Variants in COL6A3 observed in about 807,000 individuals in gnomAD.
The protein encoded by COL6A3 is collagen alpha-3(VI) chain.
A neutral mutation model predicts 274.1 loss-of-function variants in COL6A3; 137 were observed. The observed-to-expected ratio is 0.50, with a 90% confidence interval of 0.44 to 0.58. COL6A3 has a LOEUF of 0.58. Among genes scored for constraint, COL6A3 ranks in the 20% least tolerant of loss-of-function variants. COL6A3 has a pLI of 0.00. For missense variants in COL6A3, 3,950 were observed against 4,124.9 expected (o/e 0.96, Z 1.16); for synonymous variants, 1,650 against 1,650.6 (o/e 1.00, Z 0.01).
Position 237,368,080 on chromosome 2 carries a change from T to G in COL6A3, c.4900+483A>C, listed in dbSNP as rs1037617864. On this transcript the variant is annotated intron_variant, in intron 10 of 43. Transcript: ENST00000295550. The surrounding 1 kb of genome is among the most constrained non-coding windows in gnomAD (Gnocchi z 4.4). ...GGCTGGTGGAGAGATCCACTTTGCT[T>G]TTGCAGCCCCAAAGACGAGAACCAG... 2.0e-5 allele frequency among the ~76,000 whole-genome samples: 3 copies of G among 152,138 alleles called. No individual in the cohort carries two copies. Among genetic ancestry groups the G allele is most frequent in the Admixed American group, 1.3e-4 (2 of 15,280 alleles).
chr2:237,346,528 C>G lies in COL6A3; in HGVS notation c.7067G>C (p.Gly2356Ala). Residue 2356 changes from glycine (G) to alanine (A), a missense_variant, in exon 32 of 44, where the codon GGA becomes GCA. By Grantham distance (60) the Gly-to-Ala change is moderately conservative. This residue lies in a region of COL6A3 where 1,284 missense variants were observed against 1,349.7 expected (regional missense o/e 0.95). Transcript: ENST00000295550. ...AGCTGGTCCTGGGTAGCCAGGGTCT[C>G]CCTTCTGTCCAACTATCCCTGGAGG... Reference protein sequence around the residue: ...SGPPGIVGQKGDPGYPGPAGP... With the variant: ...SGPPGIVGQKADPGYPGPAGP... 1 of 1,614,040 alleles carries G rather than the reference C, an allele frequency of 6.2e-7. No individual in the cohort carries two copies. Among genetic ancestry groups the G allele is most frequent in the South Asian group, 1.1e-5 (1 of 91,070 alleles).
At chr2:237,335,579 A>T (rs1051829663) in intron 40 of COL6A3, among the ~76,000 whole-genome samples, 12 of 152,272 alleles carry the variant, frequency 7.9e-5, no homozygotes, top group African/African-American at 2.9e-4. Flanking sequence ...CTGACTTTTC[A>T]AGCTGCTGGA....
intron 3 of COL6A3, among the ~76,000 whole-genome samples, 166 bp downstream of exon 3, chr2:237,394,421 G>A (rs1412180226): frequency 6.6e-6 from 1 of 152,222 alleles, no homozygotes; most frequent in Non-Finnish European, 1.5e-5. Context: ...TTGGGGAGAA[G>A]ACTATGGAAG....
chr2:237,345,240 G>A, intron 32 of COL6A3, 27 bp from the exon 33 acceptor site: 2 of 1,613,186 alleles, frequency 1.2e-6, no homozygotes, highest in Non-Finnish European at 1.7e-6. Context: ...CGAAAGGTGA[G>A]AGGCACAGCA....
intron 1 of COL6A3, among the ~76,000 whole-genome samples, chr2:237,399,103 T>G (rs1344069072): frequency 6.6e-6 from 1 of 152,174 alleles, no homozygotes; most frequent in Non-Finnish European, 1.5e-5. Flanking sequence ...ACACTGAGGG[T>G]TCATAAGATG....
Position 237,340,917 on chromosome 2 carries a change from C to T in COL6A3, c.7999G>A (p.Val2667Met), listed in dbSNP as rs1279026217. Residue 2667 changes from valine to methionine, a missense_variant, in exon 38 of 44, where the codon GTG becomes ATG. Physicochemically the swap from Val to Met is conservative, Grantham distance 21. Around this residue, in one of 5 missense-constraint regions of COL6A3, gnomAD observed 1,284 missense variants for 1,349.7 expected, o/e 0.95. Transcript: ENST00000295550. ...ACGGACTCAGAGGGCGCGTGCTGCA[C>T]AACTGCCACTCTGGCGAAGTGCTGG... ...ASQHFARVAV[V>M]QHAPSESVDN... 6.2e-7 allele frequency: 1 copy of T among 1,613,262 alleles called. No individual in the cohort carries two copies. The highest frequency in any genetic ancestry group is 2.2e-5 in the East Asian group (1 of 44,848).
In COL6A3 at chr2:237,334,843, G is replaced by A. The variant is rs199519571; in HGVS notation, c.9012C>T (p.Ser3004=). The A allele has an allele frequency of 1.6e-4, 260 of 1,614,132 alleles. 3 individuals are homozygous for A. In the South Asian group the frequency reaches 2.3e-3, roughly 14 times the overall value. ...EVQVFEITEN[S]AKLHWERAEP... is the part of the protein sequence containing the mutation. ...CAGCCCTCTCCCAGTGGAGTTTGGC[G>A]CTGTTCTCTGTTATCTCAAACACCT... The change falls in exon 41 of 44, where the codon AGC becomes AGT. Residue 3004 remains serine (S), a synonymous_variant. Transcript: ENST00000295550.
intron 25 of COL6A3, 143 bp from the exon 26 acceptor site, chr2:237,352,727 C>G (rs140641404): frequency 6.6e-6 from 5 of 753,176 alleles, no homozygotes; most frequent in African/African-American, 1.7e-5. Context: ...ATTATCCTGT[C>G]TTAGCTGCAG....
intron 42 of COL6A3, chr2:237,327,446 A>T (rs1244646694): frequency 6.6e-6 from 1 of 151,884 alleles, no homozygotes; most frequent in Non-Finnish European, 1.5e-5. Context: ...AGCACACTCC[A>T]CTCCCCGTCT....
rs145831595 is a variant in COL6A3, at chr2:237,365,104, G to A, written c.5838+594C>T. 8.7e-3 allele frequency among the ~76,000 whole-genome samples: 1,287 copies of A among 147,564 alleles called. 26 individuals carry two copies. The highest frequency in any genetic ancestry group is 0.031 in the African/African-American group (1,234 of 39,690). On this transcript the variant is annotated intron_variant, in intron 12 of 43. Coordinates refer to ENST00000295550, the MANE Select transcript of COL6A3 (RefSeq NM_004369.4). ...TGAACCTTAATCTAGTATGACTGAT[G>A]TCCTTTTAGAAGAGGAGATTTGGAC...
chr2:237,371,648 T>G lies in COL6A3; in HGVS notation c.4285+84A>C. The G allele has an allele frequency of 1.3e-6, 2 of 1,514,164 alleles. No individual in the cohort carries two copies. The highest frequency in any genetic ancestry group is 1.8e-6 in the Non-Finnish European group (2 of 1,135,226). The allele number at this position is 1,514,164 out of a possible 1,614,324, so 93.8% of individuals were successfully genotyped here. A position where few individuals can be genotyped will look rare whatever the true frequency, so the allele number is the denominator to read the frequency against. The stretch of plus-strand genomic sequence containing the variant: ...CATACAACCTTTATTTTAATTTAAT[T>G]TATTATGAGTACCATGGCCTTTGAG... On this transcript the variant is annotated intron_variant, in intron 9 of 43. Coordinates refer to ENST00000295550, the MANE Select transcript of COL6A3 (RefSeq NM_004369.4). The surrounding 1 kb of genome is among the most constrained non-coding windows in gnomAD (Gnocchi z 4.3).
intron 1 of COL6A3, among the ~76,000 whole-genome samples, chr2:237,398,855 G>A (rs2106394295): frequency 6.6e-6 from 1 of 152,284 alleles, no homozygotes; most frequent in South Asian, 2.1e-4. Flanking sequence ...GGCGACACAG[G>A]TAGGCTAGGA....
In COL6A3 at chr2:237,357,336, A is replaced by C. The variant is rs1403614105; in HGVS notation, c.6591+2T>G. The C allele has an allele frequency of 6.2e-7, 1 of 1,613,864 alleles. No individual in the cohort carries two copies. Among genetic ancestry groups the C allele is most frequent in the Non-Finnish European group, 8.5e-7 (1 of 1,179,734 alleles). ...GCCCCCCAAAGCCCTAATGGCACTC[A>C]CATTCTTCCCAGTTTCTCCAGGTCC... On this transcript the variant is annotated splice_donor_variant, in intron 23 of 43. Transcript: ENST00000295550. LOFTEE classifies it high-confidence loss of function.
rs11901326 is a variant in COL6A3 at position 237,352,866 on chromosome 2, C to A, written c.6691-282G>T. ...ATCATTCACAATTGCCAGAAGATGGCAACAACCTAAATCTCCATCAACCAA... is the reference window on the plus strand; with the variant it reads ...ATCATTCACAATTGCCAGAAGATGGAAACAACCTAAATCTCCATCAACCAA... On this transcript the variant is annotated intron_variant, in intron 25 of 43. Transcript: ENST00000295550. 0.19 allele frequency among the ~76,000 whole-genome samples: 28,738 copies of A among 152,190 alleles called. 3,130 individuals carry two copies. The highest frequency in any genetic ancestry group is 0.3 in the African/African-American group (12,293 of 41,514).
intron 43 of COL6A3, 100 bp downstream of exon 43, chr2:237,325,460 C>G (rs1699888942): frequency 1.6e-6 from 2 of 1,270,166 alleles, no homozygotes; most frequent in Admixed American, 3.4e-5. Context: ...TTCTTTTTCA[C>G]ATGTATCATA....
Position 237,366,030 on chromosome 2 carries a change from T to G in COL6A3, c.5506A>C (p.Asn1836His), listed in dbSNP as rs769709543. 1 of 1,613,490 alleles carries G rather than the reference T, an allele frequency of 6.2e-7. No individual in the cohort carries two copies. Among genetic ancestry groups the G allele is most frequent in the South Asian group, 1.1e-5 (1 of 91,070 alleles). The change falls in exon 12 of 44, where the codon AAT becomes CAT. Residue 1836 changes from asparagine (N) to histidine (H), a missense_variant. This residue lies in a region of COL6A3 where 632 missense variants were observed against 623.4 expected (regional missense o/e 1.01). Coordinates refer to ENST00000295550, the MANE Select transcript of COL6A3 (RefSeq NM_004369.4). ...TCAAACCCCAGAATCACATCCAGAT[T>G]ACAAGCTGGAAAGGAGAAATGCAGG... ...PGVTDAAKAC[N>H]LDVILGFDGS...
rs576403333 is a variant in COL6A3, at chr2:237,364,793, T to C, written c.5839-365A>G. On this transcript the variant is annotated intron_variant, in intron 12 of 43. Transcript: ENST00000295550. The surrounding 1 kb of genome is among the most constrained non-coding windows in gnomAD (Gnocchi z 4.6). Reference sequence around the variant, plus strand: ...GTACATATGTGTGTGTATGGGTGCATTGTGTGTGCATGTGTGTGCACGTGT... The same window carrying C: ...GTACATATGTGTGTGTATGGGTGCACTGTGTGTGCATGTGTGTGCACGTGT... Among the ~76,000 whole-genome samples the C allele has an allele frequency of 2.1e-4, 32 of 150,884 alleles. No homozygotes were observed. Among genetic ancestry groups the C allele is most frequent in the Non-Finnish European group, 3.1e-4 (21 of 67,630 alleles).
Position 237,346,374 on chromosome 2 carries a change from T to C in COL6A3, c.7092+129A>G, listed in dbSNP as rs1574951498. Reference sequence around the variant, plus strand: ...CTGCATCATGATGTCAGAGAGGCGGTTTGACAACCAAGCAAATACAAAGAG... The same window carrying C: ...CTGCATCATGATGTCAGAGAGGCGGCTTGACAACCAAGCAAATACAAAGAG... On this transcript the variant is annotated intron_variant, in intron 32 of 43. Coordinates refer to ENST00000295550, the MANE Select transcript of COL6A3 (RefSeq NM_004369.4). 1.4e-5 allele frequency: 11 copies of C among 788,172 alleles called. No individual in the cohort carries two copies. The South Asian group carries it at 1.6e-4, about 11-fold the overall frequency. 48.8% of individuals were successfully genotyped at this position (788,172 alleles called of 1,614,324 possible). A position where few individuals can be genotyped will look rare whatever the true frequency, so the allele number is the denominator to read the frequency against.
In COL6A3 at chr2:237,338,239, C is replaced by T. The variant is rs1700649945; in HGVS notation, c.8567+776G>A. On this transcript the variant is annotated intron_variant, in intron 39 of 43. Coordinates refer to ENST00000295550, the MANE Select transcript of COL6A3 (RefSeq NM_004369.4). Reference sequence around the variant, plus strand: ...ACAAGAGGCCTTGCACACTTGTCTTCTCTCAGGGAACCCTGCCAGGTCACC... The same window carrying T: ...ACAAGAGGCCTTGCACACTTGTCTTTTCTCAGGGAACCCTGCCAGGTCACC... Among the ~76,000 whole-genome samples the T allele has an allele frequency of 2.0e-5, 3 of 152,214 alleles. No individual in the cohort carries two copies. The South Asian group carries it at 6.2e-4, about 31-fold the overall frequency.
Sources: gnomAD v4.1 joint callset for allele counts (sites outside exome capture counted in the v4.1 genomes callset) on GRCh38, gnomAD v4.1.1 for gene constraint, gnomAD v4.1.1 regional missense constraint, Gnocchi (gnomAD v3.1) non-coding constraint, MANE v1.5 for transcripts, NCBI Gene and HGNC (gene_info 2026-07-23, HGNC 2026-07-21) for gene names.